FSAF1: variants seen among roughly 807,000 people sequenced by gnomAD.
The protein encoded by FSAF1 is 40S small subunit processome assembly factor 1.
At chr1:231,227,778 A>T in the FSAF1 span, among the ~76,000 whole-genome samples, 1 of 150,850 alleles carries the variant, frequency 6.6e-6, no homozygotes, top group Non-Finnish European at 1.5e-5. Context: ...TTTAGTAAAG[A>T]TGGGGTTTCA....
the FSAF1 span, among the ~76,000 whole-genome samples, chr1:231,232,782 AC>A: frequency 6.6e-6 from 1 of 152,282 alleles, no homozygotes; most frequent in Non-Finnish European, 1.5e-5. Context: ...GATTCAGCAA[AC>A]CCGTCTATGG....
the FSAF1 span, chr1:231,224,544 C>A: frequency 1.2e-6 from 1 of 852,606 alleles, no homozygotes; most frequent in Non-Finnish European, 1.8e-6. Context: ...CCCCCCACCC[C>A]ATACGCCTTC....
the FSAF1 span, among the ~76,000 whole-genome samples, chr1:231,239,556 A>G: frequency 6.6e-6 from 1 of 152,260 alleles, no homozygotes; most frequent in African/African-American, 2.4e-5. Context: ...TTTCTGGGTT[A>G]CAGGAACATG....
the FSAF1 span, among the ~76,000 whole-genome samples, chr1:231,239,801 G>T: frequency 1.3e-5 from 2 of 152,100 alleles, no homozygotes; most frequent in African/African-American, 4.8e-5. Flanking sequence ...GCTACTATTT[G>T]CTTAATCTTT....
At chr1:231,225,849 G>A in the FSAF1 span, 2 of 325,360 alleles carry the variant, frequency 6.1e-6, no homozygotes, top group East Asian at 6.3e-5. Context: ...ACAAAAGAAT[G>A]TGAATGGCTA....
chr1:231,226,844 GAAAC>G, the FSAF1 span: 1 of 1,594,622 alleles, frequency 6.3e-7, no homozygotes, highest in Admixed American at 1.7e-5. Context: ...AAAGAACAAA[GAAAC>G]AAACCATCAT....
At chr1:231,228,353 C>A in the FSAF1 span, among the ~76,000 whole-genome samples, 2 of 152,174 alleles carry the variant, frequency 1.3e-5, no homozygotes, top group Non-Finnish European at 2.9e-5. Context: ...AATCCCAACA[C>A]TTTGGGAGGA....
the FSAF1 span, chr1:231,227,148 T>C: frequency 9.9e-6 from 14 of 1,414,736 alleles, no homozygotes; most frequent in African/African-American, 1.4e-5. Flanking sequence ...AAGTAATGCA[T>C]TTCAGATCCA....
At chr1:231,240,242 G>A in the FSAF1 span, among the ~76,000 whole-genome samples, 9 of 152,348 alleles carry the variant, frequency 5.9e-5, no homozygotes, top group East Asian at 1.7e-3. The surrounding 1 kb of genome is among the most constrained non-coding windows in gnomAD (Gnocchi z 4.1). Context: ...GTTCTCAACA[G>A]TTTTAACTAT....
the FSAF1 span, chr1:231,224,154 T>G: frequency 8.5e-7 from 1 of 1,171,298 alleles, no homozygotes; most frequent in African/African-American, 1.6e-5. Flanking sequence ...TTTGACTTTT[T>G]TTCTAAAATG....
At chr1:231,239,518 C>T in the FSAF1 span, among the ~76,000 whole-genome samples, 1 of 152,216 alleles carries the variant, frequency 6.6e-6, no homozygotes, top group South Asian at 2.1e-4. Flanking sequence ...AAATATCAGG[C>T]ACTGCAGCCA....
the FSAF1 span, among the ~76,000 whole-genome samples, chr1:231,235,405 G>T: frequency 6.6e-6 from 1 of 151,970 alleles, no homozygotes; most frequent in African/African-American, 2.4e-5. Context: ...GCTGAGGGAG[G>T]AGAATCGCTT....
chr1:231,229,283 T>A, the FSAF1 span: 2 of 1,059,582 alleles, frequency 1.9e-6, no homozygotes, highest in Non-Finnish European at 2.8e-6. Context: ...AGAGTAGACA[T>A]GTTTTAAGGA....
the FSAF1 span, among the ~76,000 whole-genome samples, chr1:231,230,054 G>C: frequency 3.9e-5 from 6 of 152,160 alleles, no homozygotes; most frequent in Non-Finnish European, 7.4e-5. Context: ...AAGAAACCTT[G>C]AAACTGGCCC....
At chr1:231,234,747 C>G in the FSAF1 span, among the ~76,000 whole-genome samples, 1 of 152,312 alleles carries the variant, frequency 6.6e-6, no homozygotes, top group East Asian at 1.9e-4. This position sits in a 1 kb window ranked among gnomAD's most constrained non-coding sequence, Gnocchi z 4.0. Context: ...CAGCCTGTCT[C>G]TCTTGTATTA....
At chr1:231,234,232 T>A in the FSAF1 span, among the ~76,000 whole-genome samples, 1 of 152,316 alleles carries the variant, frequency 6.6e-6, no homozygotes. The surrounding 1 kb of genome is among the most constrained non-coding windows in gnomAD (Gnocchi z 4.0). Context: ...TATTCTATTA[T>A]GTGTTTCTTA....
At chr1:231,235,009 C>A in the FSAF1 span, among the ~76,000 whole-genome samples, 1 of 152,178 alleles carries the variant, frequency 6.6e-6, no homozygotes, top group African/African-American at 2.4e-5. Flanking sequence ...GTTTATAATT[C>A]TTTCTAATTA....
chr1:231,241,134 A>G, the FSAF1 span: 1 of 1,611,080 alleles, frequency 6.2e-7, no homozygotes, highest in Non-Finnish European at 8.5e-7. Flanking sequence ...CGAGGAATCA[A>G]CCCTCATTCT....
At chr1:231,228,597 T>TAAAA in the FSAF1 span, among the ~76,000 whole-genome samples, 1 of 68,718 alleles carries the variant, frequency 1.5e-5, no homozygotes, top group Non-Finnish European at 2.9e-5. Flanking sequence ...AGACTCTGCC[T>TAAAA]CAAAAAAAAA....
Sources: allele counts gnomAD v4.1 joint callset (sites outside exome capture counted in the v4.1 genomes callset), GRCh38; gene constraint gnomAD v4.1.1; non-coding constraint Gnocchi (gnomAD v3.1); transcripts MANE v1.5; gene names NCBI Gene and HGNC (gene_info 2026-07-23, HGNC 2026-07-21).